ISG20: variants seen among roughly 807,000 people sequenced by gnomAD.
The protein encoded by ISG20 is interferon stimulated exonuclease gene 20, also known as interferon-stimulated gene 20 kDa protein.
In ISG20, 8 loss-of-function variants were observed where a neutral mutation model predicts 11.1. The observed-to-expected ratio is 0.72, with a 90% CI of 0.42 to 1.30. The LOEUF (loss-of-function observed/expected upper bound fraction) is 1.30, where lower values mean the gene tolerates loss of function less well. Ranked by LOEUF, ISG20 falls within the 50% of genes most tolerant of loss-of-function variation. The pLI is 0.01. For missense variants in ISG20, 243 were observed against 250.2 expected (o/e 0.97, Z 0.19); for synonymous variants, 110 against 101.7 (o/e 1.08, Z -0.49).
Position 88,643,835 on chromosome 15 carries a change from A to AT in ISG20, c.228+4248dup, listed in dbSNP as rs2058122895. 6.6e-6 allele frequency among the ~76,000 whole-genome samples: 1 copy of AT among 152,112 alleles called. No individual in the cohort carries two copies. The highest frequency in any genetic ancestry group is 2.4e-5 in the African/African-American group (1 of 41,402). ...AAGGGTTTTGGATTTTGGATTTGGG[A>AT]TTTTTTTGGATTTTGGAATATTTGC... On this transcript the variant is annotated intron_variant, in intron 2 of 3. Coordinates refer to ENST00000306072, the MANE Select transcript of ISG20 (RefSeq NM_002201.6). The surrounding 1 kb of genome is among the most constrained non-coding windows in gnomAD (Gnocchi z 4.4).
In ISG20 at chr15:88,650,067, C is replaced by T. The variant is rs146423276; in HGVS notation, c.229-2043C>T. The T allele has an allele frequency of 2.2e-4, 133 of 611,548 alleles. No homozygotes were observed. The highest frequency in any genetic ancestry group is 1.0e-3 in the African/African-American group (55 of 54,620). 37.9% of individuals were successfully genotyped at this position (611,548 alleles called of 1,614,324 possible). A position where few individuals can be genotyped will look rare whatever the true frequency, so the allele number is the denominator to read the frequency against. Reference sequence around the variant, plus strand: ...GCTATCTAGAAGGAGAAGCAGGCTACGGGGAAGGTGTTAGGCACCAGAAGG... The same window carrying T: ...GCTATCTAGAAGGAGAAGCAGGCTATGGGGAAGGTGTTAGGCACCAGAAGG... On this transcript the variant is annotated intron_variant, in intron 2 of 3. Coordinates refer to ENST00000306072, the MANE Select transcript of ISG20 (RefSeq NM_002201.6). The surrounding 1 kb of genome is among the most constrained non-coding windows in gnomAD (Gnocchi z 4.0).
rs770746153 is a variant in ISG20, at chr15:88,655,438, G to A, written c.453G>A (p.Ser151=). The A allele has an allele frequency of 1.7e-5, 28 of 1,613,934 alleles. No individual in the cohort carries two copies. The highest frequency in any genetic ancestry group is 5.3e-5 in the African/African-American group (4 of 74,924). Residue 151 remains serine, a synonymous_variant, in exon 4 of 4, where the codon TCG becomes TCA. Coordinates refer to ENST00000306072, the MANE Select transcript of ISG20 (RefSeq NM_002201.6). ...SIQNSLLGHS[S]VEDARATMEL... is the part of the protein sequence containing the mutation. ...AGAACAGCCTGCTTGGACACAGCTC[G>A]GTGGAAGATGCGAGGGCAACGATGG... is the stretch of plus-strand genomic sequence containing the variant.
chr15:88,638,689 C>T (rs1358557241), upstream of ISG20: 1 of 154,444 alleles, frequency 6.5e-6, no homozygotes, highest in East Asian at 1.9e-4. Context: ...AGCTCCAGTC[C>T]TGGGGATGTT....
At chr15:88,654,181 C>T (rs1474653319) in intron 3 of ISG20, among the ~76,000 whole-genome samples, 1 of 152,112 alleles carries the variant, frequency 6.6e-6, no homozygotes, top group Non-Finnish European at 1.5e-5. Flanking sequence ...TGGCTTCCTT[C>T]TCCATAGAGC....
In ISG20 at chr15:88,655,536, C is replaced by A. The variant is rs2058362503; in HGVS notation, c.*5C>A. On this transcript the variant is annotated 3_prime_UTR_variant, in exon 4 of 4. Coordinates refer to ENST00000306072, the MANE Select transcript of ISG20 (RefSeq NM_002201.6). ...CGCCTGGCTGTGTCAGACTGAAGCC[C>A]CATCCAGCCCGTTCCGCAGGGACTA... is the stretch of plus-strand genomic sequence containing the variant. 1.2e-6 allele frequency: 2 copies of A among 1,610,788 alleles called. No homozygotes were observed. Among genetic ancestry groups the A allele is most frequent in the South Asian group, 2.2e-5 (2 of 91,022 alleles).
At chr15:88,640,699 C>G (rs1334455357) in intron 2 of ISG20, among the ~76,000 whole-genome samples, 3 of 152,064 alleles carry the variant, frequency 2.0e-5, no homozygotes, top group African/African-American at 7.2e-5. Context: ...TGCAGTGGCT[C>G]ACATCTATAA....
Position 88,639,316 on chromosome 15 carries a change from G to C in ISG20, c.-24-27G>C. ...GGAGGCTTGGTTTGCCCAAGCGTGA[G>C]ACCGCCCCCCATACCCCTCTCTCCA... On this transcript the variant is annotated intron_variant, in intron 1 of 3. Coordinates refer to ENST00000306072, the MANE Select transcript of ISG20 (RefSeq NM_002201.6). The surrounding 1 kb of genome is among the most constrained non-coding windows in gnomAD (Gnocchi z 4.2). 2 of 1,447,874 alleles carry C rather than the reference G, an allele frequency of 1.4e-6. No homozygotes were observed. Among genetic ancestry groups the C allele is most frequent in the Non-Finnish European group, 1.9e-6 (2 of 1,060,206 alleles). 89.7% of individuals were successfully genotyped at this position (1,447,874 alleles called of 1,614,324 possible).
In ISG20 at chr15:88,655,660, C is replaced by T; in HGVS notation, c.*129C>T. The stretch of plus-strand genomic sequence containing the variant: ...TATTTTCTCTACGCCATCACTGGGT[C>T]CTCTTCTTATTCTTCTCTCCAAGCT... On this transcript the variant is annotated 3_prime_UTR_variant, in exon 4 of 4. Coordinates refer to ENST00000306072, the MANE Select transcript of ISG20 (RefSeq NM_002201.6). 1 of 615,766 alleles carries T rather than the reference C, an allele frequency of 1.6e-6. No individual in the cohort carries two copies. The highest frequency in any genetic ancestry group is 2.8e-6 in the Non-Finnish European group (1 of 355,732). The allele number at this position is 615,766 out of a possible 1,614,324, so 38.1% of individuals were successfully genotyped here.
chr15:88,647,840 G>A (rs771668364), intron 2 of ISG20: 4 of 152,272 alleles, frequency 2.6e-5, no homozygotes, highest in Non-Finnish European at 5.9e-5. Context: ...CAGACAGAAG[G>A]GAAGTCATGG....
Position 88,650,526 on chromosome 15 carries a change from C to T in ISG20, c.229-1584C>T, listed in dbSNP as rs994489589. On this transcript the variant is annotated intron_variant, in intron 2 of 3. Transcript: ENST00000306072. The surrounding 1 kb of genome is among the most constrained non-coding windows in gnomAD (Gnocchi z 4.0). The stretch of plus-strand genomic sequence containing the variant: ...ATCAAATGGTGCTTGGCAAATCACA[C>T]CAAAACTTACCGGTTCAAACAATGT... 3 of 1,267,176 alleles carry T rather than the reference C, an allele frequency of 2.4e-6. No homozygotes were observed. Among genetic ancestry groups the T allele is most frequent in the Non-Finnish European group, 3.1e-6 (3 of 958,176 alleles). The allele number at this position is 1,267,176 out of a possible 1,614,324, so 78.5% of individuals were successfully genotyped here.
At position 88,650,145 on chromosome 15, in the gene ISG20, G is replaced by A. The variant is rs1367156985; in HGVS notation, c.229-1965G>A. On this transcript the variant is annotated intron_variant, in intron 2 of 3. Coordinates refer to ENST00000306072, the MANE Select transcript of ISG20 (RefSeq NM_002201.6). The surrounding 1 kb of genome is among the most constrained non-coding windows in gnomAD (Gnocchi z 4.0). ...GTGGGCTACATGCAGAGAAGGAGACGAAGGCTGTCCTAGAGCTGTCCAAAG... is the reference window on the plus strand; with the variant it reads ...GTGGGCTACATGCAGAGAAGGAGACAAAGGCTGTCCTAGAGCTGTCCAAAG... 2.2e-5 allele frequency: 24 copies of A among 1,089,530 alleles called. No homozygotes were observed. Among genetic ancestry groups the A allele is most frequent in the East Asian group, 1.3e-4 (5 of 38,670 alleles). The allele number at this position is 1,089,530 out of a possible 1,614,324, so 67.5% of individuals were successfully genotyped here. A position where few individuals can be genotyped will look rare whatever the true frequency, so the allele number is the denominator to read the frequency against.
chr15:88,650,090 A>G lies in ISG20; in HGVS notation c.229-2020A>G. 2 of 671,868 alleles carry G rather than the reference A, an allele frequency of 3.0e-6. No homozygotes were observed. The highest frequency in any genetic ancestry group is 5.2e-6 in the Non-Finnish European group (2 of 382,150). 41.6% of individuals were successfully genotyped at this position (671,868 alleles called of 1,614,324 possible). A position where few individuals can be genotyped will look rare whatever the true frequency, so the allele number is the denominator to read the frequency against. On this transcript the variant is annotated intron_variant, in intron 2 of 3. Transcript: ENST00000306072. The surrounding 1 kb of genome is among the most constrained non-coding windows in gnomAD (Gnocchi z 4.0). ...TACGGGGAAGGTGTTAGGCACCAGA[A>G]GGCTCTTTCCTGGTGTACAGGCTAA...
intron 3 of ISG20, among the ~76,000 whole-genome samples, chr15:88,654,049 C>G (rs2058333121): frequency 6.6e-6 from 1 of 152,176 alleles, no homozygotes; most frequent in Admixed American, 6.5e-5. Context: ...CCCACGGTCA[C>G]AGAGCTCATA....
At chr15:88,649,187 T>A (rs2058230030) in intron 2 of ISG20, 1 of 152,280 alleles carries the variant, frequency 6.6e-6, no homozygotes, top group Admixed American at 6.5e-5. Context: ...AGTTCCAGCA[T>A]CTCTTCCTTC....
intron 3 of ISG20, among the ~76,000 whole-genome samples, chr15:88,653,473 T>C (rs12442239): frequency 0.24 from 36,334 of 151,830 alleles, 4,926 homozygotes; most frequent in East Asian, 0.57. Flanking sequence ...ATGTCCGGAG[T>C]AGGGAACAGG....
intron 2 of ISG20, among the ~76,000 whole-genome samples, chr15:88,641,926 C>CTTTTTTTTTTTTT (rs140178121): frequency 9.7e-6 from 1 of 102,848 alleles, no homozygotes; most frequent in African/African-American, 3.6e-5. Flanking sequence ...TTAGCTTCCT[C>CTTTTTTTTTTTTT]TTTTTTTTTT....
rs755661415 is a variant in ISG20, at chr15:88,652,140, G to A, written c.259G>A (p.Val87Met). 6.2e-7 allele frequency: 1 copy of A among 1,614,052 alleles called. No homozygotes were observed. Among genetic ancestry groups the A allele is most frequent in the South Asian group, 1.1e-5 (1 of 91,082 alleles). Reference protein sequence around the residue: ...ILQLLKGKLVVGHDLKHDFQA... With the variant: ...ILQLLKGKLVMGHDLKHDFQA... Reference sequence around the variant, plus strand: ...GCAGCTCCTGAAAGGCAAGCTGGTGGTGGGTCATGACCTGAAGCACGACTT... The same window carrying A: ...GCAGCTCCTGAAAGGCAAGCTGGTGATGGGTCATGACCTGAAGCACGACTT... The change falls in exon 3 of 4, where the codon GTG becomes ATG. Residue 87 changes from valine (V) to methionine (M), a missense_variant. Transcript: ENST00000306072.
intron 2 of ISG20, among the ~76,000 whole-genome samples, chr15:88,646,545 A>T (rs533079912): frequency 7.2e-5 from 11 of 152,298 alleles, no homozygotes; most frequent in African/African-American, 2.4e-4. Context: ...GTCTCTGTGG[A>T]TGAGGACACT....
chr15:88,654,419 C>T (rs1269734284), intron 3 of ISG20, among the ~76,000 whole-genome samples: 1 of 152,210 alleles, frequency 6.6e-6, no homozygotes, highest in East Asian at 1.9e-4. Flanking sequence ...GGCCGTCTAA[C>T]CAGGTGTCCC....
Sources: gnomAD v4.1 joint callset for allele counts (sites outside exome capture counted in the v4.1 genomes callset) on GRCh38, gnomAD v4.1.1 for gene constraint, Gnocchi (gnomAD v3.1) non-coding constraint, MANE v1.5 for transcripts, NCBI Gene and HGNC (gene_info 2026-07-23, HGNC 2026-07-21) for gene names.